DEFB121: variants seen among roughly 807,000 people sequenced by gnomAD.
DEFB121 encodes the protein beta-defensin 121.
In DEFB121, 5 loss-of-function variants were observed where a neutral mutation model predicts 2.5. The ratio of observed to expected loss-of-function variants is 1.96; its 90% CI spans 1.03 to 4.13. The LOEUF (loss-of-function observed/expected upper bound fraction) is 4.13, where lower values mean the gene tolerates loss of function less well. Among genes scored for constraint, DEFB121 ranks in the 30% most tolerant of loss-of-function variants. The pLI is 0.00. For missense variants in DEFB121, 87 were observed against 85.0 expected (o/e 1.02, Z -0.09); for synonymous variants, 39 against 32.6 (o/e 1.20, Z -0.67).
upstream of DEFB121, among the ~76,000 whole-genome samples, chr20:31,414,467 G>T (rs569846038): frequency 1.7e-3 from 263 of 152,320 alleles, 2 homozygotes; most frequent in Non-Finnish European, 2.6e-3. Context: ...ATCAACAAAT[G>T]AATGGATAAA....
upstream of DEFB121, chr20:31,412,930 T>G (rs992234049): frequency 2.5e-5 from 6 of 242,250 alleles, no homozygotes; most frequent in African/African-American, 4.6e-5. Flanking sequence ...TCAGAACATG[T>G]TTCCAAGCTT....
At chr20:31,409,893 C>A (rs1301937045), upstream of DEFB121, among the ~76,000 whole-genome samples, 1 of 152,042 alleles carries the variant, frequency 6.6e-6, no homozygotes, top group Admixed American at 6.6e-5. Flanking sequence ...TGACAAAAAA[C>A]AGATCAGTGG....
chr20:31,417,206 G>A (rs1978830886), upstream of DEFB121, among the ~76,000 whole-genome samples: 1 of 152,030 alleles, frequency 6.6e-6, no homozygotes, highest in South Asian at 2.1e-4. Flanking sequence ...TTAGCCAGGT[G>A]TGGTGATGTG....
chr20:31,412,350 G>C (rs575125465), intron 1 of DEFB121, among the ~76,000 whole-genome samples: 7 of 152,174 alleles, frequency 4.6e-5, no homozygotes, highest in African/African-American at 1.7e-4. Flanking sequence ...GGGGTAATGT[G>C]GGGAAATGGA....
chr20:31,412,143 T>C (rs1978680961), intron 1 of DEFB121, among the ~76,000 whole-genome samples: 1 of 152,166 alleles, frequency 6.6e-6, no homozygotes, highest in African/African-American at 2.4e-5. Flanking sequence ...TTTGTAATCT[T>C]TGGGGATAGG....
chr20:31,408,882 C>T (rs111578119), upstream of DEFB121, among the ~76,000 whole-genome samples: 77 of 151,662 alleles, frequency 5.1e-4, no homozygotes, highest in African/African-American at 1.8e-3. Flanking sequence ...AAAAATTAGC[C>T]ATGTGGGGTG....
At chr20:31,413,922 G>A (rs1978733408), upstream of DEFB121, among the ~76,000 whole-genome samples, 1 of 152,184 alleles carries the variant, frequency 6.6e-6, no homozygotes, top group South Asian at 2.1e-4. Context: ...AAAAATGAAA[G>A]ATAGGCGGGG....
In DEFB121 at chr20:31,406,099, G is replaced by T. The variant is rs767811447; in HGVS notation, c.54C>A (p.Thr18=). 2.2e-5 allele frequency: 35 copies of T among 1,613,552 alleles called. No individual in the cohort carries two copies. In the South Asian group the frequency reaches 3.7e-4, roughly 17 times the overall value. The part of the protein sequence containing the change: ...LTVTLLLAQV[T]PVMKCWGKSG... ...CCTTCTGGAGATCCTGTTTACCTGG[G>T]GTGACCTGGGCCAGGAGCAGAGTAA... The change falls in exon 1 of 2, where the codon ACC becomes ACA. Residue 18 remains threonine, a synonymous_variant. Transcript: ENST00000376314.
chr20:31,410,446 G>C (rs1978626117), upstream of DEFB121, among the ~76,000 whole-genome samples: 1 of 152,140 alleles, frequency 6.6e-6, no homozygotes, highest in East Asian at 1.9e-4. Flanking sequence ...TACATCATAG[G>C]AGTTAAACAT....
upstream of DEFB121, among the ~76,000 whole-genome samples, chr20:31,413,149 G>A (rs1270812370): frequency 6.6e-6 from 1 of 152,146 alleles, no homozygotes; most frequent in African/African-American, 2.4e-5. Context: ...AAGCTACCCA[G>A]GCCATTTTAA....
In DEFB121 at chr20:31,406,156, T is replaced by C. The variant is rs371955397; in HGVS notation, c.-4A>G. 80 of 1,613,922 alleles carry C rather than the reference T, an allele frequency of 5.0e-5. No homozygotes were observed. The highest frequency in any genetic ancestry group is 6.5e-5 in the Non-Finnish European group (77 of 1,179,924). On this transcript the variant is annotated 5_prime_UTR_variant, in exon 1 of 2. Transcript: ENST00000376314. ...AAAGCAGAAGAAGGAGCTTCATGAA[T>C]GATGAATGATCAGGGAGGGATAGGA...
At chr20:31,407,989 G>C (rs1352174981), upstream of DEFB121, among the ~76,000 whole-genome samples, 4 of 152,154 alleles carry the variant, frequency 2.6e-5, no homozygotes, top group Non-Finnish European at 4.4e-5. Flanking sequence ...TGTTGGCCAT[G>C]GCTTGTCTCA....
At chr20:31,406,014 C>T in intron 1 of DEFB121, 81 bp downstream of exon 1, 5 of 1,526,122 alleles carry the variant, frequency 3.3e-6, no homozygotes, top group Non-Finnish European at 4.5e-6. Flanking sequence ...TTCTCCCAGC[C>T]CAACCTGTCA....
upstream of DEFB121, among the ~76,000 whole-genome samples, chr20:31,410,370 G>A: frequency 6.6e-6 from 1 of 152,198 alleles, no homozygotes; most frequent in East Asian, 1.9e-4. Flanking sequence ...AGTCAGGAGA[G>A]AGGGAGGGAG....
upstream of DEFB121, among the ~76,000 whole-genome samples, chr20:31,414,149 G>A (rs1418863504): frequency 6.6e-6 from 1 of 152,136 alleles, no homozygotes; most frequent in Non-Finnish European, 1.5e-5. Context: ...AGAGGTTGCA[G>A]TGAGCTGAGA....
chr20:31,414,572 G>A (rs191584143), upstream of DEFB121, among the ~76,000 whole-genome samples: 6 of 152,314 alleles, frequency 3.9e-5, no homozygotes, highest in African/African-American at 1.4e-4. Flanking sequence ...CCTTGAGGGC[G>A]TTATGCTAAG....
chr20:31,404,884 T>A lies in DEFB121; in HGVS notation c.*29A>T, dbSNP rs775676187. On this transcript the variant is annotated 3_prime_UTR_variant, in exon 2 of 2. Transcript: ENST00000376314. ...TTAATAGAACTGCAGGATCCCATGA[T>A]GTTGAGACTCAAGGTTGGAAGAGAG... 1 of 1,611,040 alleles carries A rather than the reference T, an allele frequency of 6.2e-7. No homozygotes were observed. The highest frequency in any genetic ancestry group is 8.5e-7 in the Non-Finnish European group (1 of 1,179,104).
chr20:31,413,097 C>T (rs1978707033), upstream of DEFB121, among the ~76,000 whole-genome samples: 1 of 152,162 alleles, frequency 6.6e-6, no homozygotes, highest in Non-Finnish European at 1.5e-5. Context: ...GTCAGATCAG[C>T]TTCTCATCCC....
chr20:31,411,224 T>G (rs2122358843), intron 1 of DEFB121, among the ~76,000 whole-genome samples: 1 of 152,346 alleles, frequency 6.6e-6, no homozygotes, highest in South Asian at 2.1e-4. Flanking sequence ...TTCCCACAGC[T>G]GAACTATATA....
Sources: gnomAD v4.1 joint callset for allele counts (sites outside exome capture counted in the v4.1 genomes callset) on GRCh38, gnomAD v4.1.1 for gene constraint, MANE v1.5 for transcripts, NCBI Gene and HGNC (gene_info 2026-07-23, HGNC 2026-07-21) for gene names.